The following SCD5 variants were observed in gnomAD, a reference collection of about 807,000 sequenced individuals.
SCD5 encodes the protein acyl-CoA-desaturase 4.
In SCD5, 20 loss-of-function variants were observed where a neutral mutation model predicts 30.4. That is an observed-to-expected ratio of 0.66 (90% CI 0.46 to 0.96). The LOEUF (loss-of-function observed/expected upper bound fraction) is 0.96, where lower values mean the gene tolerates loss of function less well. SCD5 is among the 40% of genes least tolerant of loss of function. SCD5 has a pLI of 0.00. For synonymous variants in SCD5, 173 were observed against 176.4 expected, an observed-to-expected ratio of 0.98 and a Z score of 0.16; for missense variants, 381 against 443.3, an observed-to-expected ratio of 0.86 and a Z score of 1.26.
chr4:82,631,322 C>G lies in SCD5; in HGVS notation c.*5G>C. The G allele has an allele frequency of 6.2e-7, 1 of 1,610,036 alleles. No homozygotes were observed. Among genetic ancestry groups the G allele is most frequent in the Non-Finnish European group, 8.5e-7 (1 of 1,177,142 alleles). On this transcript the variant is annotated 3_prime_UTR_variant, in exon 5 of 5. Coordinates refer to ENST00000319540, the MANE Select transcript of SCD5 (RefSeq NM_001037582.3). ...CGGCAGACATGTGGGATGGCTGTTC[C>G]AAGTTCAAGCACTGCTGTCTCCAGT... is the stretch of plus-strand genomic sequence containing the variant.
intron 2 of SCD5, among the ~76,000 whole-genome samples, chr4:82,682,550 T>G (rs1728600122): frequency 6.6e-6 from 1 of 152,232 alleles, no homozygotes; most frequent in Non-Finnish European, 1.5e-5. Context: ...AATAATATTT[T>G]ATACCATAAT....
intron 3 of SCD5, among the ~76,000 whole-genome samples, chr4:82,649,673 TC>T (rs1309945388): frequency 6.6e-6 from 1 of 152,166 alleles, no homozygotes; most frequent in African/African-American, 2.4e-5. Context: ...TCATCAAGTC[TC>T]AGACTGCTAC....
chr4:82,639,459 T>A (rs1174370332), intron 3 of SCD5, among the ~76,000 whole-genome samples: 1 of 152,198 alleles, frequency 6.6e-6, no homozygotes, highest in Non-Finnish European at 1.5e-5. Flanking sequence ...AAGACCTATA[T>A]GAAATTGAAA....
intron 1 of SCD5, among the ~76,000 whole-genome samples, chr4:82,753,803 T>TTGG (rs1721163218): frequency 6.6e-6 from 1 of 152,062 alleles, no homozygotes; most frequent in Non-Finnish European, 1.5e-5. Flanking sequence ...GACAGAAGTC[T>TTGG]ATGAAAATCC....
In SCD5 at chr4:82,754,054, G is replaced by A. The variant is rs548904258; in HGVS notation, c.232+44252C>T. The stretch of plus-strand genomic sequence containing the variant: ...TCTCTTGTCAAGCACAGACTCGCCC[G>A]AAAAATGAGACCTGAGAAAGGGGCA... On this transcript the variant is annotated intron_variant, in intron 1 of 4. Transcript: ENST00000319540. 7.2e-5 allele frequency among the ~76,000 whole-genome samples: 11 copies of A among 152,218 alleles called. 1 individual carries two copies. Among genetic ancestry groups the A allele is most frequent in the African/African-American group, 1.7e-4 (7 of 41,550 alleles).
chr4:82,688,775 T>C (rs1560534411), intron 2 of SCD5, among the ~76,000 whole-genome samples: 1 of 152,046 alleles, frequency 6.6e-6, no homozygotes, highest in Non-Finnish European at 1.5e-5. Flanking sequence ...AAACTTAAAG[T>C]TTGAAAAAAA....
At chr4:82,680,238 C>T (rs1266124254) in intron 3 of SCD5, among the ~76,000 whole-genome samples, 2 of 152,188 alleles carry the variant, frequency 1.3e-5, no homozygotes, top group Non-Finnish European at 2.9e-5. Flanking sequence ...ACTAGTGTAA[C>T]GTTTCCATGA....
chr4:82,673,668 C>G (rs11734938), intron 3 of SCD5, among the ~76,000 whole-genome samples: 228 of 152,174 alleles, frequency 1.5e-3, no homozygotes, highest in Middle Eastern at 6.8e-3. Context: ...AAGGTTTATA[C>G]GTGGAGGCAA....
chr4:82,724,444 C>T (rs1430286999), intron 1 of SCD5, among the ~76,000 whole-genome samples: 28 of 152,106 alleles, frequency 1.8e-4, no homozygotes, highest in African/African-American at 6.5e-4. Context: ...TGGTGAGACC[C>T]CCATCTTTAG....
chr4:82,764,388 T>C (rs974996099), intron 1 of SCD5, among the ~76,000 whole-genome samples: 1 of 152,246 alleles, frequency 6.6e-6, no homozygotes, highest in African/African-American at 2.4e-5. Flanking sequence ...TCTTTTTGTC[T>C]AATTGTTCTT....
chr4:82,669,767 C>T (rs561734717), intron 3 of SCD5, among the ~76,000 whole-genome samples: 147 of 152,200 alleles, frequency 9.7e-4, no homozygotes, highest in Non-Finnish European at 1.9e-3. Flanking sequence ...TGAAATATAC[C>T]AGAGTATTCT....
intron 1 of SCD5, among the ~76,000 whole-genome samples, chr4:82,738,259 C>A (rs190142677): frequency 1.3e-3 from 194 of 152,242 alleles, no homozygotes; most frequent in African/African-American, 4.4e-3. Context: ...CCTGTCGCTA[C>A]TAAAAATACA....
rs375583960 is a variant in SCD5 at position 82,705,450 on chromosome 4, C to A, written c.233-37G>T. ...AAGCAGGGACAACGTCAACAATGGT[C>A]CCTGAGCTTTCAAACACCCCCCATG... On this transcript the variant is annotated intron_variant, in intron 1 of 4. Transcript: ENST00000319540. 10 of 1,609,946 alleles carry A rather than the reference C, an allele frequency of 6.2e-6. No homozygotes were observed. The African/African-American group carries it at 1.1e-4, about 17-fold the overall frequency.
intron 3 of SCD5, among the ~76,000 whole-genome samples, chr4:82,652,726 A>G (rs750226708): frequency 4.1e-4 from 62 of 152,264 alleles, no homozygotes; most frequent in Non-Finnish European, 8.1e-4. Context: ...ATGTAGACTT[A>G]TACTGGGCTT....
chr4:82,786,501 T>C (rs1721990397), intron 1 of SCD5, among the ~76,000 whole-genome samples: 1 of 152,198 alleles, frequency 6.6e-6, no homozygotes, highest in African/African-American at 2.4e-5. Flanking sequence ...TTTTTCTCTA[T>C]TTAAGAGGCA....
intron 1 of SCD5, among the ~76,000 whole-genome samples, chr4:82,747,452 A>G (rs1721020349): frequency 6.6e-6 from 1 of 152,236 alleles, no homozygotes; most frequent in Non-Finnish European, 1.5e-5. Context: ...AACAAGACCC[A>G]TTGGGTCTAA....
intron 3 of SCD5, among the ~76,000 whole-genome samples, chr4:82,640,139 T>C (rs1407292697): frequency 1.3e-5 from 2 of 152,142 alleles, no homozygotes; most frequent in Non-Finnish European, 2.9e-5. Flanking sequence ...CCTTCTCTGG[T>C]CTGACCACAG....
Position 82,737,937 on chromosome 4 carries a change from T to C in SCD5, c.233-32524A>G, listed in dbSNP as rs144802433. 5.7e-5 allele frequency among the ~76,000 whole-genome samples: 8 copies of C among 141,420 alleles called. No individual in the cohort carries two copies. The East Asian group carries it at 1.6e-3, about 29-fold the overall frequency. The allele number at this position is 141,420 out of a possible 152,430, so 92.8% of individuals were successfully genotyped here. On this transcript the variant is annotated intron_variant, in intron 1 of 4. Transcript: ENST00000319540. Reference sequence around the variant, plus strand: ...TTTGAAACACTTTACAGATTGGACCTGAGGTCAATCTAATTAGCTAAAAAA... The same window carrying C: ...TTTGAAACACTTTACAGATTGGACCCGAGGTCAATCTAATTAGCTAAAAAA...
Position 82,704,902 on chromosome 4 carries a change from A to G in SCD5, c.363+381T>C, listed in dbSNP as rs1043062505. 3.3e-5 allele frequency among the ~76,000 whole-genome samples: 5 copies of G among 152,354 alleles called. 1 individual carries two copies. Among genetic ancestry groups the G allele is most frequent in the African/African-American group, 1.2e-4 (5 of 41,582 alleles). On this transcript the variant is annotated intron_variant, in intron 2 of 4. Transcript: ENST00000319540. ...TCTCCTCATCTGTAAAATGGGACAC[A>G]TGTAACATCTAGCTCACAGGGCTAC...
Sources: gnomAD v4.1 joint callset for allele counts (sites outside exome capture counted in the v4.1 genomes callset) on GRCh38, gnomAD v4.1.1 for gene constraint, MANE v1.5 for transcripts, NCBI Gene and HGNC (gene_info 2026-07-23, HGNC 2026-07-21) for gene names.